ANKRD1: variants seen among roughly 807,000 people sequenced by gnomAD.
ANKRD1 encodes the protein ankyrin repeat domain 1, also known as ankyrin repeat domain-containing protein 1.
ANKRD1 carries 32 observed loss-of-function variants against 40.1 expected under a neutral mutation model. The ratio of observed to expected loss-of-function variants is 0.80; its 90% CI spans 0.60 to 1.07. ANKRD1 has a LOEUF of 1.07. Among genes scored for constraint, ANKRD1 ranks in the 50% least tolerant of loss-of-function variants. ANKRD1 has a pLI of 0.00. For synonymous variants in ANKRD1, 149 were observed against 141.2 expected, an observed-to-expected ratio of 1.06 and a Z score of -0.39; for missense variants, 359 against 386.0, an observed-to-expected ratio of 0.93 and a Z score of 0.59.
intron 5 of ANKRD1, among the ~76,000 whole-genome samples, 165 bp downstream of exon 5, chr10:90,917,567 C>T (rs528083763): frequency 1.3e-5 from 2 of 152,312 alleles, no homozygotes; most frequent in South Asian, 4.1e-4. Flanking sequence ...TTTCACATGA[C>T]CTACTCTCAT....
Position 90,913,545 on chromosome 10 carries a change from A to G in ANKRD1, c.850-569T>C, listed in dbSNP as rs536217348. 5.3e-5 allele frequency among the ~76,000 whole-genome samples: 8 copies of G among 152,334 alleles called. No homozygotes were observed. The East Asian group carries it at 5.8e-4, about 11-fold the overall frequency. ...TGTATTTTTCTTGGAGTTGATGGCA[A>G]TGACACATGTGAACAAATAATTTTT... On this transcript the variant is annotated intron_variant, in intron 8 of 8. Coordinates refer to ENST00000371697, the MANE Select transcript of ANKRD1 (RefSeq NM_014391.3).
At chr10:90,916,713 G>C (rs1847377656) in intron 5 of ANKRD1, among the ~76,000 whole-genome samples, 1 of 152,172 alleles carries the variant, frequency 6.6e-6, no homozygotes, top group African/African-American at 2.4e-5. Context: ...CCTCTGCCTG[G>C]AACTTCTAAC....
Position 90,920,267 on chromosome 10 carries a change from C to A in ANKRD1, c.109G>T (p.Val37Phe). ...DFRDGEYEAAVTLEKQEDLKT... is the reference protein window; with the variant it reads ...DFRDGEYEAAFTLEKQEDLKT... ...AGATCCTCCTGCTTCTCTAAAGTAA[C>A]AGCAGCTTCATACTCTCCATCTCTG... The change falls in exon 2 of 9, where the codon GTT (valine) becomes TTT (phenylalanine). Residue 37 changes from valine (V) to phenylalanine (F), a missense_variant. By Grantham distance (50) the Val-to-Phe change is conservative. Transcript: ENST00000371697. The A allele has an allele frequency of 1.2e-6, 2 of 1,614,192 alleles. No homozygotes were observed. Among genetic ancestry groups the A allele is most frequent in the South Asian group, 1.1e-5 (1 of 91,082 alleles).
Position 90,912,586 on chromosome 10 carries a change from T to C in ANKRD1, c.*280A>G, listed in dbSNP as rs1180024267. On this transcript the variant is annotated 3_prime_UTR_variant, in exon 9 of 9. Coordinates refer to ENST00000371697, the MANE Select transcript of ANKRD1 (RefSeq NM_014391.3). ...GGGTGGGAAGGCTCTGAAAGTGTTA[T>C]ATACAAATGAAGCTCTGCTCACCAG... The C allele has an allele frequency of 1.5e-5, 6 of 389,748 alleles. No individual in the cohort carries two copies. Among genetic ancestry groups the C allele is most frequent in the East Asian group, 6.0e-5 (1 of 16,602 alleles). 24.1% of individuals were successfully genotyped at this position (389,748 alleles called of 1,614,324 possible). A position where few individuals can be genotyped will look rare whatever the true frequency, so the allele number is the denominator to read the frequency against.
Position 90,916,183 on chromosome 10 carries a change from G to T in ANKRD1, c.639C>A (p.Ser213Arg). The change falls in exon 6 of 9, where the codon AGC becomes AGA. Residue 213 changes from serine to arginine, a missense_variant. Ser to Arg is a moderately radical substitution (Grantham distance 110). Transcript: ENST00000371697. Reference protein sequence around the residue: ...KLLLNKGAKISARDKLLSTAL... With the variant: ...KLLLNKGAKIRARDKLLSTAL... ...GAAGAAGGAATACCTTATCTCGGGC[G>T]CTAATTTTTGCTCCTTTATTCAGCA... 2 of 1,613,148 alleles carry T rather than the reference G, an allele frequency of 1.2e-6. No individual in the cohort carries two copies. The highest frequency in any genetic ancestry group is 1.7e-6 in the Non-Finnish European group (2 of 1,179,264).
At position 90,916,239 on chromosome 10, in the gene ANKRD1, G is replaced by A. The variant is rs769305030; in HGVS notation, c.583C>T (p.Arg195Cys). The change falls in exon 6 of 9, where the codon CGT becomes TGT. Residue 195 changes from arginine to cysteine, a missense_variant. By Grantham distance (180) the Arg-to-Cys change is radical (BLOSUM62 -3). Coordinates refer to ENST00000371697, the MANE Select transcript of ANKRD1 (RefSeq NM_014391.3). ...LESTAIHWAS[R>C]GGNLDVLKLL... ...TTTAAAACATCCAGGTTTCCTCCAC[G>A]GCTTGCCCAGTGGATGGCTGTGGAT... 8 of 1,613,964 alleles carry A rather than the reference G, an allele frequency of 5.0e-6. No homozygotes were observed. In the Admixed American group the frequency reaches 1.0e-4, roughly 20 times the overall value.
chr10:90,912,873 G>A lies in ANKRD1; in HGVS notation c.953C>T (p.Thr318Ile). 3 of 1,613,884 alleles carry A rather than the reference G, an allele frequency of 1.9e-6. No individual in the cohort carries two copies. The highest frequency in any genetic ancestry group is 2.5e-6 in the Non-Finnish European group (3 of 1,179,772). ...ENSYKTSRIATF is the reference protein window; with the variant it reads ...ENSYKTSRIAIF ...AAGAGTCTGTCGTTTGCCTCAGAATGTAGCTATGCGAGAGGTCTTGTAGGA... is the reference window on the plus strand; with the variant it reads ...AAGAGTCTGTCGTTTGCCTCAGAATATAGCTATGCGAGAGGTCTTGTAGGA... The change falls in exon 9 of 9, where the codon ACA (threonine) becomes ATA (isoleucine). Residue 318 changes from threonine to isoleucine, a missense_variant. Transcript: ENST00000371697.
chr10:90,918,394 C>G (rs1027649989), intron 4 of ANKRD1, among the ~76,000 whole-genome samples: 4 of 151,954 alleles, frequency 2.6e-5, no homozygotes. Flanking sequence ...ACTCCAATGC[C>G]CCATGTTTAC....
chr10:90,918,460 C>T (rs1043232832), intron 4 of ANKRD1, among the ~76,000 whole-genome samples: 1 of 151,720 alleles, frequency 6.6e-6, no homozygotes, highest in Admixed American at 6.6e-5. Context: ...ACCAAATAGC[C>T]AAGTAGTGGT....
At position 90,918,991 on chromosome 10, in the gene ANKRD1, A is replaced by AATATATATATAT. The variant is rs60406118; in HGVS notation, c.346-31_346-20dup. ...GTTCCGTCTAAAGCCAAAATAAATAAATATATATATATATATATATATATA... is the reference window on the plus strand; with the variant it reads ...GTTCCGTCTAAAGCCAAAATAAATAAATATATATATATATATATATATATATATATATATATA... On this transcript the variant is annotated intron_variant, in intron 3 of 8. Transcript: ENST00000371697. The AATATATATATAT allele has an allele frequency of 4.1e-5, 11 of 269,576 alleles. No individual in the cohort carries two copies. In the Middle Eastern group the frequency reaches 3.4e-3, roughly 85 times the overall value. 16.7% of individuals were successfully genotyped at this position (269,576 alleles called of 1,614,324 possible). A position where few individuals can be genotyped will look rare whatever the true frequency, so the allele number is the denominator to read the frequency against.
At chr10:90,913,074 G>C in intron 8 of ANKRD1, 98 bp from the exon 9 acceptor site, 2 of 1,097,186 alleles carry the variant, frequency 1.8e-6, no homozygotes, top group Non-Finnish European at 2.8e-6. Flanking sequence ...TTAGGTATAT[G>C]TTATAACAGT....
Position 90,912,922 on chromosome 10 carries a change from T to C in ANKRD1, c.904A>G (p.Ile302Val), listed in dbSNP as rs1847332383. ...VLHWQNGTKAIFDSLRENSYK... is the reference protein window; with the variant it reads ...VLHWQNGTKAVFDSLRENSYK... ...GAGTTCTCTCTGAGGCTGTCGAATA[T>C]TGCTTTGGTTCCATTCTGCCAGTGT... Residue 302 changes from isoleucine to valine, a missense_variant, in exon 9 of 9, where the codon ATA becomes GTA. Ile to Val is a conservative substitution (Grantham distance 29). Transcript: ENST00000371697. 6.2e-7 allele frequency: 1 copy of C among 1,614,096 alleles called. No individual in the cohort carries two copies. The highest frequency in any genetic ancestry group is 1.3e-5 in the African/African-American group (1 of 75,058).
At chr10:90,914,299 G>A (rs971228753) in intron 8 of ANKRD1, among the ~76,000 whole-genome samples, 1 of 151,984 alleles carries the variant, frequency 6.6e-6, no homozygotes, top group African/African-American at 2.4e-5. Flanking sequence ...ACCCTAAGCC[G>A]TATTTGTATA....
At chr10:90,917,178 T>A (rs1285299766) in intron 5 of ANKRD1, among the ~76,000 whole-genome samples, 1 of 152,224 alleles carries the variant, frequency 6.6e-6, no homozygotes, top group East Asian at 1.9e-4. Context: ...CATAAAGAAT[T>A]TTCCCAGCTC....
At chr10:90,916,449 T>TGC (rs372475251) in intron 5 of ANKRD1, among the ~76,000 whole-genome samples, 180 bp from the exon 6 acceptor site, 72 of 149,612 alleles carry the variant, frequency 4.8e-4, no homozygotes, top group African/African-American at 1.7e-3. Flanking sequence ...TGTGTGTGTG[T>TGC]GCATATGTGT....
At chr10:90,917,700 T>C in intron 5 of ANKRD1, 32 bp downstream of exon 5, 1 of 1,583,188 alleles carries the variant, frequency 6.3e-7, no homozygotes, top group Non-Finnish European at 8.7e-7. Flanking sequence ...CTACTTCTTT[T>C]GGCTCATTCC....
At chr10:90,913,574 A>G (rs985373545) in intron 8 of ANKRD1, among the ~76,000 whole-genome samples, 1 of 152,158 alleles carries the variant, frequency 6.6e-6, no homozygotes, top group Non-Finnish European at 1.5e-5. Flanking sequence ...AATTTTTGAG[A>G]CGAAATTTTG....
At chr10:90,917,897 A>T in intron 4 of ANKRD1, 67 bp from the exon 5 acceptor site, 1 of 1,303,378 alleles carries the variant, frequency 7.7e-7, no homozygotes, top group Non-Finnish European at 1.1e-6. Flanking sequence ...CCCTTTTAAG[A>T]GCTATGAAGC....
At chr10:90,920,124 C>T in intron 2 of ANKRD1, 45 bp downstream of exon 2, 1 of 1,611,026 alleles carries the variant, frequency 6.2e-7, no homozygotes, top group South Asian at 1.1e-5. Flanking sequence ...CATTCCCTAC[C>T]CCAGCCCCAA....
Sources: allele counts gnomAD v4.1 joint callset (sites outside exome capture counted in the v4.1 genomes callset), GRCh38; gene constraint gnomAD v4.1.1; transcripts MANE v1.5; gene names NCBI Gene and HGNC (gene_info 2026-07-23, HGNC 2026-07-21).